The following HTR2C variants were observed in gnomAD, a reference collection of about 807,000 sequenced individuals.
The protein encoded by HTR2C is 5-hydroxytryptamine (serotonin) receptor 2C, G protein-coupled.
In HTR2C, 5 loss-of-function variants were observed where a neutral mutation model predicts 21.0. The observed-to-expected ratio is 0.24, with a 90% CI of 0.12 to 0.50. HTR2C has a LOEUF of 0.50. Ranked by LOEUF, HTR2C falls within the 20% of genes least tolerant of loss-of-function variation. The pLI is 0.98. For synonymous variants in HTR2C, 150 were observed against 145.3 expected, an observed-to-expected ratio of 1.03 and a Z score of -0.23; for missense variants, 271 against 371.2, an observed-to-expected ratio of 0.73 and a Z score of 2.22.
At chrX:114,747,197 A>T (rs2069713982) in intron 4 of HTR2C, among the ~76,000 whole-genome samples, 1 of 111,459 alleles carries the variant, frequency 9.0e-6, no homozygotes. Context: ...TAAAGATTAA[A>T]ATTCACCCAG....
intron 4 of HTR2C, among the ~76,000 whole-genome samples, chrX:114,794,226 T>C (rs782181503): frequency 7.2e-5 from 8 of 111,357 alleles, no homozygotes; most frequent in Non-Finnish European, 1.1e-4. Flanking sequence ...TCTTTGTTGC[T>C]TGTGTAAAAG....
rs187012395 is a variant in HTR2C at position 114,793,067 on chromosome X, G to A, written c.350-54936G>A. Reference sequence around the variant, plus strand: ...AATTTTCTCCCATTCTGTAGGTGGCGTGTTCAGTCTGATGATAGGATTTGT... The same window carrying A: ...AATTTTCTCCCATTCTGTAGGTGGCATGTTCAGTCTGATGATAGGATTTGT... On this transcript the variant is annotated intron_variant, in intron 4 of 5. Transcript: ENST00000276198. Among the ~76,000 whole-genome samples the A allele has an allele frequency of 2.8e-3, 314 of 111,558 alleles. 2 individuals carry two copies. Among genetic ancestry groups the A allele is most frequent in the Non-Finnish European group, 4.8e-3 (254 of 53,013 alleles).
chrX:114,651,133 G>T (rs1448303813), intron 2 of HTR2C, among the ~76,000 whole-genome samples: 1 of 111,956 alleles, frequency 8.9e-6, no homozygotes, highest in Non-Finnish European at 1.9e-5. Flanking sequence ...CTTGTTCAAA[G>T]ACAGATAGTT....
At chrX:114,768,903 T>C (rs1245608816) in intron 4 of HTR2C, among the ~76,000 whole-genome samples, 4 of 111,369 alleles carry the variant, frequency 3.6e-5, no homozygotes, top group African/African-American at 1.3e-4. Context: ...ACAATGTAAT[T>C]AAGAGCTGTC....
Position 114,622,998 on chromosome X carries a change from T to C in HTR2C, c.-80+9117T>C, listed in dbSNP as rs959605782. 2.7e-5 allele frequency among the ~76,000 whole-genome samples: 3 copies of C among 111,570 alleles called. No homozygotes were observed. The Admixed American group carries it at 2.9e-4, about 11-fold the overall frequency. ...TTAGAAAGGGTAGCAAATATAGACATAGTAAACTTAATAGGGTTTAAAAAA... is the reference window on the plus strand; with the variant it reads ...TTAGAAAGGGTAGCAAATATAGACACAGTAAACTTAATAGGGTTTAAAAAA... On this transcript the variant is annotated intron_variant, in intron 2 of 5. Coordinates refer to ENST00000276198, the MANE Select transcript of HTR2C (RefSeq NM_000868.4).
rs782754065 is a variant in HTR2C at position 114,729,443 on chromosome X, A to T, written c.36-1851A>T. ...CAAAAATTACTGAAGTCAGATAGCC[A>T]GGACATTGGCCACATGCCACATTCA... On this transcript the variant is annotated intron_variant, in intron 3 of 5. Coordinates refer to ENST00000276198, the MANE Select transcript of HTR2C (RefSeq NM_000868.4). Among the ~76,000 whole-genome samples the T allele has an allele frequency of 5.4e-5, 6 of 112,020 alleles. No homozygotes were observed. The East Asian group carries it at 1.7e-3, about 31-fold the overall frequency.
rs1242057185 is a variant in HTR2C at position 114,830,751 on chromosome X, T to A, written c.350-17252T>A. 6.7e-5 allele frequency among the ~76,000 whole-genome samples: 7 copies of A among 104,899 alleles called. No individual in the cohort carries two copies. In the East Asian group the frequency reaches 2.1e-3, roughly 32 times the overall value. The allele number at this position is 104,899 out of a possible 115,157, so 91.1% of individuals were successfully genotyped here. ...AGTGTACATGTGCACATTGTGCAGG[T>A]TAGTTACATATGTATACATGTGCCA... On this transcript the variant is annotated intron_variant, in intron 4 of 5. Coordinates refer to ENST00000276198, the MANE Select transcript of HTR2C (RefSeq NM_000868.4).
At chrX:114,860,142 A>T (rs2070995357) in intron 5 of HTR2C, among the ~76,000 whole-genome samples, 1 of 111,633 alleles carries the variant, frequency 9.0e-6, no homozygotes, top group Non-Finnish European at 1.9e-5. Flanking sequence ...ATGTTGATAG[A>T]CGTAGTAACA....
intron 5 of HTR2C, among the ~76,000 whole-genome samples, chrX:114,866,548 T>C (rs1170432943): frequency 1.8e-5 from 2 of 110,145 alleles, no homozygotes; most frequent in East Asian, 5.7e-4. Context: ...GTAATTATTA[T>C]TGACTATAGT....
chrX:114,621,594 G>A (rs1556401733), intron 2 of HTR2C, among the ~76,000 whole-genome samples: 6 of 111,959 alleles, frequency 5.4e-5, no homozygotes. Flanking sequence ...CTGTTGTAGA[G>A]GCTGGAGGGG....
chrX:114,603,646 A>G (rs1928247911), intron 1 of HTR2C, among the ~76,000 whole-genome samples: 1 of 27,548 alleles, frequency 3.6e-5, no homozygotes, highest in Non-Finnish European at 7.0e-5. Flanking sequence ...GATTGAAGTA[A>G]TGGGGGCTGT....
At chrX:114,643,802 A>G (rs1230829571) in intron 2 of HTR2C, among the ~76,000 whole-genome samples, 1 of 111,711 alleles carries the variant, frequency 9.0e-6, no homozygotes, top group Admixed American at 9.5e-5. Flanking sequence ...TAGAGAAAAA[A>G]CAATCCCTCA....
At chrX:114,751,113 G>C (rs781870036) in intron 4 of HTR2C, among the ~76,000 whole-genome samples, 1 of 111,634 alleles carries the variant, frequency 9.0e-6, no homozygotes, top group South Asian at 3.7e-4. Flanking sequence ...TGGAGATGGG[G>C]TTTTGCTATG....
At chrX:114,879,603 C>T (rs782688185) in intron 5 of HTR2C, among the ~76,000 whole-genome samples, 79 of 110,389 alleles carry the variant, frequency 7.2e-4, no homozygotes, top group African/African-American at 2.2e-3. Context: ...ATTCCTCACC[C>T]GCCTCCTATC....
At chrX:114,682,645 T>C (rs2147855534) in intron 2 of HTR2C, among the ~76,000 whole-genome samples, 1 of 111,331 alleles carries the variant, frequency 9.0e-6, no homozygotes, top group South Asian at 3.8e-4. Context: ...TAGAAATAAA[T>C]CTTATTTCTT....
chrX:114,657,506 G>A (rs988959908), intron 2 of HTR2C, among the ~76,000 whole-genome samples: 5 of 110,712 alleles, frequency 4.5e-5, no homozygotes, highest in African/African-American at 6.5e-5. Context: ...TCACCTGCGT[G>A]TAATATGGAA....
chrX:114,767,845 C>A (rs2069961357), intron 4 of HTR2C, among the ~76,000 whole-genome samples: 1 of 109,704 alleles, frequency 9.1e-6, no homozygotes, highest in East Asian at 2.8e-4. Flanking sequence ...TCCTCATAAA[C>A]CTGATTACAA....
In HTR2C at chrX:114,901,090, C is replaced by T. The variant is rs149935500; in HGVS notation, c.551-5499C>T. On this transcript the variant is annotated intron_variant, in intron 5 of 5. Transcript: ENST00000276198. ...ACTGACAATGACAACTATCTAATGA[C>T]TAGTTTCTGGCCAACAATGATTGTA... Among the ~76,000 whole-genome samples, 941 of 112,202 alleles carry T rather than the reference C, an allele frequency of 8.4e-3. 10 individuals are homozygous for T. Among genetic ancestry groups the T allele is most frequent in the African/African-American group, 0.029 (899 of 30,925 alleles).
chrX:114,898,670 T>C (rs193165523), intron 5 of HTR2C, among the ~76,000 whole-genome samples: 1 of 112,242 alleles, frequency 8.9e-6, no homozygotes, highest in East Asian at 2.8e-4. Flanking sequence ...CCATTGCTTG[T>C]ATTTGTCAAG....
Sources: gnomAD v4.1 joint callset for allele counts (sites outside exome capture counted in the v4.1 genomes callset) on GRCh38, gnomAD v4.1.1 for gene constraint, MANE v1.5 for transcripts, NCBI Gene and HGNC (gene_info 2026-07-23, HGNC 2026-07-21) for gene names.